The following TAFA1 variants were observed in gnomAD, a reference collection of about 807,000 sequenced individuals.
TAFA1 encodes TAFA chemokine like family member 1, also known as chemokine-like protein TAFA-1.
TAFA1 carries 4 observed loss-of-function variants against 18.5 expected under a neutral mutation model. The observed-to-expected ratio is 0.22, with a 90% CI of 0.11 to 0.49. The LOEUF (loss-of-function observed/expected upper bound fraction) is 0.49. Ranked by LOEUF, TAFA1 falls within the 20% of genes least tolerant of loss-of-function variation. The pLI, the probability that TAFA1 is intolerant of heterozygous loss-of-function variation, is 0.98. For missense variants in TAFA1, 147 were observed against 169.0 expected, an observed-to-expected ratio of 0.87 and a Z score of 0.72; for synonymous variants, 56 against 55.2, an observed-to-expected ratio of 1.01 and a Z score of -0.06.
intron 2 of TAFA1, among the ~76,000 whole-genome samples, chr3:68,073,872 G>A (rs1254122863): frequency 6.6e-6 from 1 of 152,144 alleles, no homozygotes; most frequent in African/African-American, 2.4e-5. Context: ...ACCAGGAACA[G>A]GTTTTGTGGA....
At chr3:68,335,080 G>C (rs772709688) in intron 2 of TAFA1, among the ~76,000 whole-genome samples, 4 of 152,150 alleles carry the variant, frequency 2.6e-5, no homozygotes, top group Non-Finnish European at 2.9e-5. Flanking sequence ...TGACCATAAT[G>C]GTCATTCACA....
At chr3:68,052,189 T>A (rs756501236) in intron 2 of TAFA1, among the ~76,000 whole-genome samples, 1 of 152,170 alleles carries the variant, frequency 6.6e-6, no homozygotes, top group Non-Finnish European at 1.5e-5. Context: ...AATAGCTCTT[T>A]GCTGTCAAGA....
chr3:68,184,618 A>G (rs1479522901), intron 2 of TAFA1, among the ~76,000 whole-genome samples: 2 of 152,146 alleles, frequency 1.3e-5, no homozygotes, highest in Non-Finnish European at 1.5e-5. Flanking sequence ...ATTAGCTCCA[A>G]TATATACTGG....
At chr3:68,112,074 AAC>A (rs2065269233) in intron 2 of TAFA1, among the ~76,000 whole-genome samples, 1 of 131,284 alleles carries the variant, frequency 7.6e-6, no homozygotes, top group Admixed American at 8.5e-5. Flanking sequence ...CAATGAAAAT[AAC>A]ACAGTGAAGC....
chr3:68,136,908 A>T (rs1575638297), intron 2 of TAFA1, among the ~76,000 whole-genome samples: 1 of 152,198 alleles, frequency 6.6e-6, no homozygotes, highest in African/African-American at 2.4e-5. Flanking sequence ...TTCAAAGGAT[A>T]CTTCAGTGTT....
At chr3:68,517,786 A>C (rs945355891) in intron 3 of TAFA1, among the ~76,000 whole-genome samples, 3 of 152,174 alleles carry the variant, frequency 2.0e-5, no homozygotes, top group African/African-American at 7.2e-5. Context: ...GATCATTTCT[A>C]TTATTCTCAT....
intron 2 of TAFA1, among the ~76,000 whole-genome samples, chr3:68,301,344 C>G (rs1175750614): frequency 6.6e-6 from 1 of 151,928 alleles, no homozygotes; most frequent in Non-Finnish European, 1.5e-5. Flanking sequence ...CATTTTATAC[C>G]CTCACAAAAT....
intron 2 of TAFA1, among the ~76,000 whole-genome samples, chr3:68,314,791 A>C (rs2106689313): frequency 6.6e-6 from 1 of 152,152 alleles, no homozygotes; most frequent in South Asian, 2.1e-4. Context: ...CTTCAGGACG[A>C]AAAAGATCAT....
At chr3:68,433,163 T>A (rs1473987278) in intron 3 of TAFA1, among the ~76,000 whole-genome samples, 1 of 152,060 alleles carries the variant, frequency 6.6e-6, no homozygotes, top group East Asian at 1.9e-4. Context: ...CATCACTCAA[T>A]AGCATTTGCA....
chr3:68,364,978 T>C (rs1022258044), intron 2 of TAFA1, among the ~76,000 whole-genome samples: 4 of 152,228 alleles, frequency 2.6e-5, no homozygotes, highest in African/African-American at 9.6e-5. Context: ...GCATCCTTTA[T>C]TTAAGGTGAT....
intron 2 of TAFA1, among the ~76,000 whole-genome samples, chr3:68,151,689 A>G (rs1230176278): frequency 6.6e-6 from 1 of 152,170 alleles, no homozygotes; most frequent in Non-Finnish European, 1.5e-5. Flanking sequence ...CTTCTGTGAT[A>G]ATGACATTTA....
chr3:68,141,083 G>A (rs1232077314), intron 2 of TAFA1, among the ~76,000 whole-genome samples: 1 of 152,152 alleles, frequency 6.6e-6, no homozygotes, highest in Non-Finnish European at 1.5e-5. Flanking sequence ...TATACTTAAA[G>A]TACTGTACCT....
rs551812342 is a variant in TAFA1 at position 68,245,292 on chromosome 3, A to G, written c.119-171988A>G. ...TTTTGCTCCCTTTTACTTGGTTTGT[A>G]TTTAACAGAACTTCTTCCAAAGCTG... On this transcript the variant is annotated intron_variant, in intron 2 of 4. Transcript: ENST00000478136. Among the ~76,000 whole-genome samples the G allele has an allele frequency of 7.9e-5, 12 of 152,288 alleles. No homozygotes were observed. In the East Asian group the frequency reaches 2.3e-3, roughly 29 times the overall value.
At chr3:68,249,903 T>A (rs1204282788) in intron 2 of TAFA1, among the ~76,000 whole-genome samples, 1 of 152,158 alleles carries the variant, frequency 6.6e-6, no homozygotes, top group Non-Finnish European at 1.5e-5. Context: ...ACAACTTTAG[T>A]GTGATTCATG....
At chr3:68,127,015 G>A (rs566231942) in intron 2 of TAFA1, among the ~76,000 whole-genome samples, 1 of 152,286 alleles carries the variant, frequency 6.6e-6, no homozygotes, top group African/African-American at 2.4e-5. Context: ...GAGAAGAATT[G>A]ATGTTACTAT....
intron 2 of TAFA1, among the ~76,000 whole-genome samples, chr3:68,101,587 A>G (rs2065148219): frequency 6.6e-6 from 1 of 152,208 alleles, no homozygotes; most frequent in Non-Finnish European, 1.5e-5. Flanking sequence ...TCAAAAGGTT[A>G]TTCAGTAGGA....
chr3:68,351,782 G>T (rs2069275298), intron 2 of TAFA1, among the ~76,000 whole-genome samples: 1 of 151,930 alleles, frequency 6.6e-6, no homozygotes, highest in South Asian at 2.1e-4. Flanking sequence ...AGGGTGTAAA[G>T]CTGTCTTCAG....
intron 3 of TAFA1, among the ~76,000 whole-genome samples, chr3:68,424,982 G>T (rs1575854796): frequency 6.6e-6 from 1 of 151,946 alleles, no homozygotes; most frequent in African/African-American, 2.4e-5. Flanking sequence ...TTAATGGATA[G>T]TGTGATGCCC....
intron 2 of TAFA1, among the ~76,000 whole-genome samples, chr3:68,390,390 G>T (rs1162770789): frequency 6.6e-6 from 1 of 152,196 alleles, no homozygotes; most frequent in African/African-American, 2.4e-5. Context: ...ATCTCCCTGG[G>T]ACAGAGCACC....
Sources: allele counts gnomAD v4.1 joint callset (sites outside exome capture counted in the v4.1 genomes callset), GRCh38; gene constraint gnomAD v4.1.1; transcripts MANE v1.5; gene names NCBI Gene and HGNC (gene_info 2026-07-23, HGNC 2026-07-21).